NPAS3: variants seen among roughly 807,000 people sequenced by gnomAD.
The protein encoded by NPAS3 is neuronal PAS domain protein 3, also known as neuronal PAS domain-containing protein 3.
A neutral mutation model predicts 73.1 loss-of-function variants in NPAS3; 14 were observed. The ratio of observed to expected loss-of-function variants is 0.19; its 90% CI spans 0.13 to 0.30. The LOEUF (loss-of-function observed/expected upper bound fraction) is 0.30, where lower values mean the gene tolerates loss of function less well. Among genes scored for constraint, NPAS3 ranks in the 10% least tolerant of loss-of-function variants. The probability of loss-of-function intolerance (pLI) is 1.00; values close to 1 mark genes in which losing one functional copy is unlikely to be tolerated. For missense variants in NPAS3, 1,096 were observed against 1,250.0 expected (o/e 0.88, Z 1.86); for synonymous variants, 620 against 541.5 (o/e 1.14, Z -2.01).
At chr14:33,797,790 T>A (rs1457969383) in intron 11 of NPAS3, among the ~76,000 whole-genome samples, 1 of 151,926 alleles carries the variant, frequency 6.6e-6, no homozygotes, top group Non-Finnish European at 1.5e-5. Context: ...ATGTACTATA[T>A]AGGTATATAT....
intron 4 of NPAS3, among the ~76,000 whole-genome samples, chr14:33,370,566 C>T (rs893362683): frequency 2.1e-4 from 32 of 152,050 alleles, no homozygotes; most frequent in African/African-American, 7.5e-4. Flanking sequence ...GGCTTTTATG[C>T]AGCAGTGACA....
At chr14:33,783,927 G>C (rs2063062391) in intron 9 of NPAS3, among the ~76,000 whole-genome samples, 1 of 152,194 alleles carries the variant, frequency 6.6e-6, no homozygotes, top group Non-Finnish European at 1.5e-5. Context: ...TACAAACTGA[G>C]TATCTGAAGG....
At position 33,784,317 on chromosome 14, in the gene NPAS3, T is replaced by G. The variant is rs148427617; in HGVS notation, c.1153+5745T>G. Among the ~76,000 whole-genome samples the G allele has an allele frequency of 3.7e-3, 570 of 152,344 alleles. 3 individuals are homozygous for G. Among genetic ancestry groups the G allele is most frequent in the African/African-American group, 0.013 (546 of 41,582 alleles). On this transcript the variant is annotated intron_variant, in intron 9 of 11. Coordinates refer to ENST00000356141, the Ensembl canonical transcript of NPAS3. Reference sequence around the variant, plus strand: ...GGTTTCAAAAGCAACTAAGGTATGGTGTCCACCTTCGAGGAGCTTACATAC... The same window carrying G: ...GGTTTCAAAAGCAACTAAGGTATGGGGTCCACCTTCGAGGAGCTTACATAC...
chr14:33,446,152 A>C (rs1413493041), intron 4 of NPAS3, among the ~76,000 whole-genome samples: 1 of 145,660 alleles, frequency 6.9e-6, no homozygotes, highest in African/African-American at 2.6e-5. Context: ...TTCTCTAGGG[A>C]CACTTCATGC....
intron 1 of NPAS3, among the ~76,000 whole-genome samples, chr14:32,944,225 T>A (rs2036157020): frequency 6.6e-6 from 1 of 152,186 alleles, no homozygotes; most frequent in Non-Finnish European, 1.5e-5. Flanking sequence ...CCATGCTATG[T>A]TTACACAGTC....
chr14:33,466,164 T>A (rs1241044504), intron 4 of NPAS3, among the ~76,000 whole-genome samples: 3 of 152,000 alleles, frequency 2.0e-5, no homozygotes, highest in African/African-American at 7.2e-5. Context: ...TGGAGCTGTT[T>A]AGAGAAGCAA....
intron 1 of NPAS3, among the ~76,000 whole-genome samples, chr14:32,978,117 G>GC (rs1037228705): frequency 3.9e-5 from 6 of 152,076 alleles, no homozygotes; most frequent in African/African-American, 1.4e-4. Flanking sequence ...AGATGTGGGG[G>GC]GGTGAGAAAA....
At chr14:33,557,681 T>C (rs2055421967) in intron 4 of NPAS3, among the ~76,000 whole-genome samples, 2 of 152,192 alleles carry the variant, frequency 1.3e-5, no homozygotes, top group Admixed American at 1.3e-4. Flanking sequence ...AAAATGTAGA[T>C]AATAACAGCT....
chr14:33,046,111 AG>A (rs2040497374), intron 1 of NPAS3, among the ~76,000 whole-genome samples: 1 of 152,224 alleles, frequency 6.6e-6, no homozygotes, highest in Admixed American at 6.5e-5. Flanking sequence ...ATGCAGGTCA[AG>A]TAAAAGTCAC....
intron 4 of NPAS3, among the ~76,000 whole-genome samples, chr14:33,535,515 C>G (rs1054010400): frequency 6.6e-6 from 1 of 152,050 alleles, no homozygotes; most frequent in Non-Finnish European, 1.5e-5. Flanking sequence ...AAGAGAACAC[C>G]GACTATCTGC....
At chr14:33,691,713 T>C (rs1442420805) in intron 6 of NPAS3, among the ~76,000 whole-genome samples, 3 of 152,234 alleles carry the variant, frequency 2.0e-5, no homozygotes, top group African/African-American at 7.2e-5. Context: ...ACTTTCATAG[T>C]AAGGCAAAGA....
chr14:32,955,325 T>C (rs2036632649), intron 1 of NPAS3, among the ~76,000 whole-genome samples: 1 of 152,136 alleles, frequency 6.6e-6, no homozygotes, highest in East Asian at 1.9e-4. Context: ...GACCAAAATA[T>C]ACTTTGTTGG....
At chr14:33,210,064 C>G (rs1001102866) in intron 2 of NPAS3, among the ~76,000 whole-genome samples, 1 of 152,104 alleles carries the variant, frequency 6.6e-6, no homozygotes, top group African/African-American at 2.4e-5. Flanking sequence ...ATTTTTAATC[C>G]TTGTTATCCT....
chr14:33,223,982 G>A (rs1193950466), intron 3 of NPAS3, among the ~76,000 whole-genome samples: 4 of 152,020 alleles, frequency 2.6e-5, no homozygotes, highest in Non-Finnish European at 5.9e-5. Context: ...TAAGAACCTA[G>A]CACTTCATAT....
At chr14:33,387,387 G>A (rs185258679) in intron 4 of NPAS3, among the ~76,000 whole-genome samples, 369 of 152,232 alleles carry the variant, frequency 2.4e-3, no homozygotes, top group African/African-American at 8.1e-3. Flanking sequence ...TCAGAAGCCC[G>A]GAGCTTAGCC....
Position 32,984,419 on chromosome 14 carries a change from T to C in NPAS3, c.50+45053T>C, listed in dbSNP as rs140180599. The stretch of plus-strand genomic sequence containing the variant: ...TACAAACTTACTTTGGGAAAAAAAG[T>C]AAGAGGGAAAGAGATGAACTGTAAC... On this transcript the variant is annotated intron_variant, in intron 1 of 11. Coordinates refer to ENST00000356141, the Ensembl canonical transcript of NPAS3. Among the ~76,000 whole-genome samples the C allele has an allele frequency of 6.6e-4, 101 of 152,274 alleles. 2 individuals are homozygous for C. The East Asian group carries it at 0.017, about 25-fold the overall frequency.
chr14:33,262,407 T>C (rs1038064322), intron 3 of NPAS3, among the ~76,000 whole-genome samples: 14 of 152,224 alleles, frequency 9.2e-5, no homozygotes, highest in Admixed American at 9.2e-4. Context: ...ATGCAGAGGA[T>C]GATAAAGTTG....
chr14:33,350,345 T>C (rs764953430), intron 3 of NPAS3, among the ~76,000 whole-genome samples: 1 of 152,186 alleles, frequency 6.6e-6, no homozygotes, highest in Admixed American at 6.5e-5. Context: ...TTAAGAGTCA[T>C]GTTTATTTTC....
intron 4 of NPAS3, among the ~76,000 whole-genome samples, chr14:33,382,845 A>T (rs2046614574): frequency 6.6e-6 from 1 of 152,128 alleles, no homozygotes; most frequent in Non-Finnish European, 1.5e-5. Flanking sequence ...GTAATCTCAG[A>T]ACTTTGGGAG....
Sources: gnomAD v4.1 joint callset for allele counts (sites outside exome capture counted in the v4.1 genomes callset) on GRCh38, gnomAD v4.1.1 for gene constraint, MANE v1.5 for transcripts, NCBI Gene and HGNC (gene_info 2026-07-23, HGNC 2026-07-21) for gene names.